PDGFC: variants seen among roughly 807,000 people sequenced by gnomAD.
PDGFC encodes the protein platelet derived growth factor C.
A neutral mutation model predicts 35.5 loss-of-function variants in PDGFC; 12 were observed. That is an observed-to-expected ratio of 0.34 (90% confidence interval 0.22 to 0.55). PDGFC has a LOEUF of 0.55. PDGFC is among the 20% of genes least tolerant of loss of function. The pLI is 0.91. For missense variants in PDGFC, 322 were observed against 412.4 expected, an observed-to-expected ratio of 0.78 and a Z score of 1.90; for synonymous variants, 159 against 148.8, an observed-to-expected ratio of 1.07 and a Z score of -0.50.
chr4:156,927,452 A>G (rs1032655989), intron 1 of PDGFC, among the ~76,000 whole-genome samples: 8 of 152,262 alleles, frequency 5.3e-5, no homozygotes, highest in African/African-American at 1.7e-4. Flanking sequence ...TTAAAATTGA[A>G]TGCTTTTAAC....
At chr4:156,889,804 A>G (rs1160595984) in intron 1 of PDGFC, among the ~76,000 whole-genome samples, 1 of 152,136 alleles carries the variant, frequency 6.6e-6, no homozygotes, top group Non-Finnish European at 1.5e-5. Flanking sequence ...GGTTTCCTCC[A>G]TGAATGGAAT....
intron 4 of PDGFC, among the ~76,000 whole-genome samples, chr4:156,769,381 A>G (rs2110804243): frequency 6.6e-6 from 1 of 151,924 alleles, no homozygotes; most frequent in Admixed American, 6.6e-5. Context: ...ATATTGTCTT[A>G]ATTGTCTTTG....
chr4:156,920,574 A>T (rs1215950182), intron 1 of PDGFC, among the ~76,000 whole-genome samples: 1 of 152,104 alleles, frequency 6.6e-6, no homozygotes, highest in Admixed American at 6.6e-5. Flanking sequence ...TTAAAAGAAA[A>T]AAATGATCTA....
At chr4:156,856,696 G>A (rs1729592361) in intron 1 of PDGFC, among the ~76,000 whole-genome samples, 1 of 152,020 alleles carries the variant, frequency 6.6e-6, no homozygotes, top group South Asian at 2.1e-4. Flanking sequence ...ATACAAACGT[G>A]GCAGAAAACA....
rs544936139 is a variant in PDGFC, at chr4:156,881,893, C to T, written c.119-31477G>A. Among the ~76,000 whole-genome samples, 17 of 151,726 alleles carry T rather than the reference C, an allele frequency of 1.1e-4. No homozygotes were observed. In the South Asian group the frequency reaches 3.6e-3, roughly 32 times the overall value. The stretch of plus-strand genomic sequence containing the variant: ...TCTCTGTCTCTTTGCTTGCTGCCAT[C>T]CATGTAAGACATGACTTACTCCTGC... On this transcript the variant is annotated intron_variant, in intron 1 of 5. Coordinates refer to ENST00000502773, the MANE Select transcript of PDGFC (RefSeq NM_016205.3).
In PDGFC at chr4:156,850,450, T is replaced by A. The variant is rs200660314; in HGVS notation, c.119-34A>T. 1.5e-3 allele frequency: 1,923 copies of A among 1,293,370 alleles called. 1 individual carries two copies. Among genetic ancestry groups the A allele is most frequent in the Non-Finnish European group, 1.9e-3 (1,755 of 937,050 alleles). 80.1% of individuals were successfully genotyped at this position (1,293,370 alleles called of 1,614,324 possible). On this transcript the variant is annotated intron_variant, in intron 1 of 5. Transcript: ENST00000502773. The stretch of plus-strand genomic sequence containing the variant: ...AAAAACATAGACATAGACATACATT[T>A]AGATTTCAAAAATTATAGGTATCAA...
chr4:156,774,210 C>T (rs948191756), intron 3 of PDGFC, among the ~76,000 whole-genome samples: 12 of 152,190 alleles, frequency 7.9e-5, no homozygotes, highest in African/African-American at 2.7e-4. Flanking sequence ...CTCTAATCTG[C>T]TACTCATCAG....
intron 1 of PDGFC, among the ~76,000 whole-genome samples, chr4:156,911,680 A>G (rs1731044214): frequency 1.3e-5 from 2 of 152,184 alleles, no homozygotes; most frequent in Admixed American, 1.3e-4. Flanking sequence ...TGGTCAACTG[A>G]CAGAGCTAGT....
chr4:156,852,458 A>G (rs1729480403), intron 1 of PDGFC, among the ~76,000 whole-genome samples: 1 of 152,124 alleles, frequency 6.6e-6, no homozygotes, highest in Admixed American at 6.5e-5. Flanking sequence ...ACTTCCAGAA[A>G]CCTAAGTCCC....
chr4:156,883,380 A>G (rs1730294030), intron 1 of PDGFC, among the ~76,000 whole-genome samples: 1 of 152,200 alleles, frequency 6.6e-6, no homozygotes, highest in Non-Finnish European at 1.5e-5. Flanking sequence ...TACTGAAACT[A>G]AAAATGAACC....
At chr4:156,849,248 T>C (rs1236142371) in intron 2 of PDGFC, among the ~76,000 whole-genome samples, 2 of 151,994 alleles carry the variant, frequency 1.3e-5, no homozygotes, top group Non-Finnish European at 2.9e-5. Context: ...TCTAAAATTA[T>C]AGATGTAAGG....
At chr4:156,921,614 T>C (rs1349303484) in intron 1 of PDGFC, among the ~76,000 whole-genome samples, 1 of 152,054 alleles carries the variant, frequency 6.6e-6, no homozygotes, top group African/African-American at 2.4e-5. Flanking sequence ...GACACAGAAA[T>C]ATGTTTTCAG....
chr4:156,838,515 A>G (rs1362945625), intron 2 of PDGFC, among the ~76,000 whole-genome samples: 3 of 150,050 alleles, frequency 2.0e-5, no homozygotes, highest in Admixed American at 6.6e-5. Flanking sequence ...TTTCTCTGCT[A>G]TCTTATGAGG....
intron 1 of PDGFC, among the ~76,000 whole-genome samples, chr4:156,850,717 G>C (rs1269153184): frequency 1.3e-5 from 2 of 151,968 alleles, no homozygotes; most frequent in South Asian, 2.1e-4. Flanking sequence ...ATAAAGCTGA[G>C]TTAACATTCA....
intron 2 of PDGFC, among the ~76,000 whole-genome samples, chr4:156,844,203 G>T (rs1729270924): frequency 6.6e-6 from 1 of 152,142 alleles, no homozygotes; most frequent in South Asian, 2.1e-4. Flanking sequence ...TGTCTTAGAA[G>T]CTAGCATTTA....
In PDGFC at chr4:156,856,717, T is replaced by A. The variant is rs138315233; in HGVS notation, c.119-6301A>T. ...ACGTGGCAGAAAACAATTTTACATATCACTTCAACAATTCATCCTTCACTC... is the reference window on the plus strand; with the variant it reads ...ACGTGGCAGAAAACAATTTTACATAACACTTCAACAATTCATCCTTCACTC... On this transcript the variant is annotated intron_variant, in intron 1 of 5. Coordinates refer to ENST00000502773, the MANE Select transcript of PDGFC (RefSeq NM_016205.3). Among the ~76,000 whole-genome samples, 37 of 152,190 alleles carry A rather than the reference T, an allele frequency of 2.4e-4. No homozygotes were observed. The East Asian group carries it at 7.1e-3, about 29-fold the overall frequency.
intron 1 of PDGFC, among the ~76,000 whole-genome samples, chr4:156,858,304 G>A (rs1729630286): frequency 6.6e-6 from 1 of 151,938 alleles, no homozygotes; most frequent in Non-Finnish European, 1.5e-5. Flanking sequence ...CTATACAATG[G>A]GATATGACGT....
chr4:156,811,391 C>T (rs1477930080), intron 2 of PDGFC, among the ~76,000 whole-genome samples: 1 of 152,008 alleles, frequency 6.6e-6, no homozygotes, highest in African/African-American at 2.4e-5. Flanking sequence ...TTATTACTGC[C>T]CTTTATTTTC....
At chr4:156,783,846 T>C (rs1294092349) in intron 3 of PDGFC, among the ~76,000 whole-genome samples, 1 of 152,022 alleles carries the variant, frequency 6.6e-6, no homozygotes, top group Non-Finnish European at 1.5e-5. Flanking sequence ...GGAAAACAAA[T>C]GAAAAGAAGG....
Sources: gnomAD v4.1 joint callset for allele counts (sites outside exome capture counted in the v4.1 genomes callset) on GRCh38, gnomAD v4.1.1 for gene constraint, MANE v1.5 for transcripts, NCBI Gene and HGNC (gene_info 2026-07-23, HGNC 2026-07-21) for gene names.